DPF3: variants seen among roughly 807,000 people sequenced by gnomAD.
DPF3 encodes zinc finger protein DPF3.
DPF3 carries 18 observed loss-of-function variants against 56.8 expected under a neutral mutation model. That is an observed-to-expected ratio of 0.32 (90% CI 0.22 to 0.47). The LOEUF is 0.47. DPF3 is among the 20% of genes least tolerant of loss of function. The pLI is 1.00. For missense variants in DPF3, 403 were observed against 488.8 expected, an observed-to-expected ratio of 0.82 and a Z score of 1.65; for synonymous variants, 188 against 180.2, an observed-to-expected ratio of 1.04 and a Z score of -0.35.
intron 2 of DPF3, among the ~76,000 whole-genome samples, chr14:72,758,231 A>G (rs1890919557): frequency 6.6e-6 from 1 of 152,210 alleles, no homozygotes; most frequent in Non-Finnish European, 1.5e-5. Context: ...AAAAGAGAGG[A>G]AGAAAAAAAT....
In DPF3 at chr14:72,620,032, G is replaced by A. The variant is rs1013093708; in HGVS notation, c.985-48C>T. ...CAGAGGAGGAGAGATTCCATTATTC[G>A]GGGCCAATGTCTGGCCCCCGCTTAC... On this transcript the variant is annotated intron_variant, in intron 9 of 10. Transcript: ENST00000556509. The A allele has an allele frequency of 1.1e-5, 16 of 1,482,470 alleles. No individual in the cohort carries two copies. In the South Asian group the frequency reaches 1.3e-4, roughly 12 times the overall value. The allele number at this position is 1,482,470 out of a possible 1,614,324, so 91.8% of individuals were successfully genotyped here. A position where few individuals can be genotyped will look rare whatever the true frequency, so the allele number is the denominator to read the frequency against.
chr14:72,809,573 C>T (rs1364828898), intron 1 of DPF3, among the ~76,000 whole-genome samples: 2 of 152,220 alleles, frequency 1.3e-5, no homozygotes, highest in Non-Finnish European at 2.9e-5. Context: ...CACACCTGCC[C>T]TTCCTTTCAG....
intron 1 of DPF3, chr14:72,892,076 A>G: frequency 6.8e-7 from 1 of 1,476,276 alleles, no homozygotes; most frequent in Non-Finnish European, 8.9e-7. Context: ...AAGCTTAGAG[A>G]TACTGCGCCC....
At chr14:72,823,198 C>G (rs891978809) in intron 1 of DPF3, among the ~76,000 whole-genome samples, 1 of 152,236 alleles carries the variant, frequency 6.6e-6, no homozygotes, top group Admixed American at 6.5e-5. Context: ...GCCATCTGGT[C>G]TAAATCTGCT....
Position 72,630,991 on chromosome 14 carries a change from GC to G in DPF3, c.872-1256del, listed in dbSNP as rs1225198370. ...TTGGCAAAGCCACATCTTAACAGGA[GC>G]CCCCATTTCCTCCCTTTCAAATCTT... On this transcript the variant is annotated intron_variant, in intron 8 of 10. Transcript: ENST00000556509. Among the ~76,000 whole-genome samples, 4 of 152,192 alleles carry G rather than the reference GC, an allele frequency of 2.6e-5. No individual in the cohort carries two copies. The East Asian group carries it at 7.7e-4, about 29-fold the overall frequency.
rs372421007 is a variant in DPF3 at position 72,630,008 on chromosome 14, A to G, written c.872-272T>C. Among the ~76,000 whole-genome samples the G allele has an allele frequency of 2.6e-5, 4 of 152,300 alleles. No individual in the cohort carries two copies. In the East Asian group the frequency reaches 5.8e-4, roughly 22 times the overall value. ...GTGTAACCAGTTGATGAAGATGGAA[A>G]ACAATGATCAGAGAGAACGAGAGAG... On this transcript the variant is annotated intron_variant, in intron 8 of 10. Transcript: ENST00000556509.
chr14:72,741,462 C>T (rs1286854198), intron 3 of DPF3, among the ~76,000 whole-genome samples: 1 of 152,196 alleles, frequency 6.6e-6, no homozygotes, highest in Non-Finnish European at 1.5e-5. Flanking sequence ...ACAGGGAAGG[C>T]CCCTACAACC....
chr14:72,876,371 C>G (rs1886114802), intron 1 of DPF3, among the ~76,000 whole-genome samples: 1 of 152,158 alleles, frequency 6.6e-6, no homozygotes, highest in Non-Finnish European at 1.5e-5. Flanking sequence ...CAGACAATCC[C>G]CCTTGCTGGA....
At chr14:72,878,393 T>A (rs1886197499) in intron 1 of DPF3, among the ~76,000 whole-genome samples, 1 of 152,088 alleles carries the variant, frequency 6.6e-6, no homozygotes, top group Non-Finnish European at 1.5e-5. Flanking sequence ...GTAGGGAAAA[T>A]CATTCTCTCT....
At chr14:72,789,109 G>A (rs977750419) in intron 1 of DPF3, among the ~76,000 whole-genome samples, 3 of 152,284 alleles carry the variant, frequency 2.0e-5, no homozygotes, top group African/African-American at 4.8e-5. Context: ...TTAAACGCAC[G>A]TTGCAGTCCT....
At chr14:72,619,431 G>T in intron 10 of DPF3, 64 bp from the exon 11 acceptor site, 1 of 1,494,450 alleles carries the variant, frequency 6.7e-7, no homozygotes, top group Non-Finnish European at 9.0e-7. Flanking sequence ...CACCCCACTG[G>T]CCCTAACTTC....
intron 1 of DPF3, among the ~76,000 whole-genome samples, chr14:72,840,428 T>C (rs1379198065): frequency 1.3e-5 from 2 of 152,198 alleles, no homozygotes; most frequent in African/African-American, 2.4e-5. Context: ...TCCTACGCCC[T>C]ACCCTCCCAC....
At chr14:72,795,681 G>A (rs1219357964) in intron 1 of DPF3, among the ~76,000 whole-genome samples, 1 of 152,174 alleles carries the variant, frequency 6.6e-6, no homozygotes, top group Non-Finnish European at 1.5e-5. Flanking sequence ...AGGAATCAGA[G>A]GGGCTGTTTG....
At chr14:72,619,436 A>AACTTCTTGTAAATCCTGTTTCCTTTG (rs1303264591) in intron 10 of DPF3, 69 bp from the exon 11 acceptor site, 269 of 1,483,894 alleles carry the variant, frequency 1.8e-4, no homozygotes, top group Admixed American at 2.6e-4. Flanking sequence ...CACTGGCCCT[A>AACTTCTTGTAAATCCTGTTTCCTTTG]ACTTCTTGTA....
chr14:72,774,004 G>T (rs1286535499), intron 1 of DPF3: 2 of 453,782 alleles, frequency 4.4e-6, no homozygotes, highest in Admixed American at 4.7e-5. Context: ...CTGCTTTCAG[G>T]CTGGGCGCAG....
At chr14:72,876,666 G>C (rs1214756833) in intron 1 of DPF3, among the ~76,000 whole-genome samples, 1 of 152,102 alleles carries the variant, frequency 6.6e-6, no homozygotes, top group African/African-American at 2.4e-5. Flanking sequence ...TCACGTCTTT[G>C]TTCACTTCCC....
chr14:72,852,587 G>A (rs866033271), intron 1 of DPF3, among the ~76,000 whole-genome samples: 8 of 152,270 alleles, frequency 5.3e-5, no homozygotes, highest in Middle Eastern at 3.4e-3. Context: ...ACAGCCTGTC[G>A]CCATGATTGG....
intron 3 of DPF3, among the ~76,000 whole-genome samples, chr14:72,739,348 C>G (rs570797284): frequency 6.6e-6 from 1 of 152,312 alleles, no homozygotes; most frequent in South Asian, 2.1e-4. Context: ...ACACACTTGG[C>G]CTTGATCTCC....
intron 1 of DPF3, among the ~76,000 whole-genome samples, chr14:72,781,339 G>T (rs899240588): frequency 6.6e-6 from 1 of 152,192 alleles, no homozygotes; most frequent in African/African-American, 2.4e-5. Context: ...TCTGTGGGTG[G>T]CTCTGACCTT....
Sources: allele counts gnomAD v4.1 joint callset (sites outside exome capture counted in the v4.1 genomes callset), GRCh38; gene constraint gnomAD v4.1.1; transcripts MANE v1.5; gene names NCBI Gene and HGNC (gene_info 2026-07-23, HGNC 2026-07-21).